Variants in PCDHGB7 observed in about 807,000 individuals in gnomAD.
PCDHGB7 encodes protocadherin gamma subfamily B, 7.
PCDHGB7 carries 37 observed loss-of-function variants against 61.4 expected under a neutral mutation model. The observed-to-expected ratio is 0.60, with a 90% confidence interval of 0.46 to 0.79. The LOEUF is 0.79. Among genes scored for constraint, PCDHGB7 ranks in the 30% least tolerant of loss-of-function variants. The pLI, the probability that PCDHGB7 is intolerant of heterozygous loss-of-function variation, is 0.00. For missense variants in PCDHGB7, 1,166 were observed against 1,202.5 expected (o/e 0.97, Z 0.45); for synonymous variants, 464 against 503.5 (o/e 0.92, Z 1.05).
intron 1 of PCDHGB7, among the ~76,000 whole-genome samples, chr5:141,474,294 G>A (rs535055214): frequency 1.3e-5 from 2 of 152,296 alleles, no homozygotes; most frequent in African/African-American, 4.8e-5. Context: ...CTAGATCAGT[G>A]CTTGTCAAAC....
At chr5:141,455,899 ATTTATTT>A (rs1441561749) in intron 1 of PCDHGB7, among the ~76,000 whole-genome samples, 5 of 148,258 alleles carry the variant, frequency 3.4e-5, no homozygotes, top group African/African-American at 1.2e-4. Context: ...TTATTTATTT[ATTTATTT>A]ATTTATTTTG....
intron 1 of PCDHGB7, chr5:141,426,519 C>T: frequency 8.8e-6 from 3 of 341,848 alleles, no homozygotes; most frequent in South Asian, 6.9e-5. Flanking sequence ...TTACCGTGAA[C>T]ACGGAGAATG....
At position 141,431,159 on chromosome 5, in the gene PCDHGB7, C is replaced by T. The variant is rs1017606383; in HGVS notation, c.2415+10885C>T. Reference sequence around the variant, plus strand: ...CATTAACGACAATGCGCCTTACTTTCGTGAAAGTGAATTAGAAATAAAAAT... The same window carrying T: ...CATTAACGACAATGCGCCTTACTTTTGTGAAAGTGAATTAGAAATAAAAAT... On this transcript the variant is annotated intron_variant, in intron 1 of 3. Transcript: ENST00000398594. The surrounding 1 kb of genome is among the most constrained non-coding windows in gnomAD (Gnocchi z 4.8). 1 of 1,614,158 alleles carries T rather than the reference C, an allele frequency of 6.2e-7. No individual in the cohort carries two copies. The highest frequency in any genetic ancestry group is 1.3e-5 in the African/African-American group (1 of 75,046).
chr5:141,500,184 T>TTTTATTTATTTATTTATTTA (rs58019021), intron 2 of PCDHGB7, among the ~76,000 whole-genome samples: 1 of 135,886 alleles, frequency 7.4e-6, no homozygotes, highest in African/African-American at 2.7e-5. Flanking sequence ...TCATTTTTAT[T>TTTTATTTATTTATTTATTTA]TTTATTTATT....
chr5:141,505,298 T>C, intron 2 of PCDHGB7, 95 bp from the exon 3 acceptor site: 1 of 1,586,334 alleles, frequency 6.3e-7, no homozygotes, highest in Non-Finnish European at 8.6e-7. Flanking sequence ...GGGGTAGGGT[T>C]AGGGTACTAG....
rs548823035 is a variant in PCDHGB7 at position 141,499,447 on chromosome 5, C to T, written c.2474+4582C>T. ...AGAAAAAAAATTAAAAGGAAAACCA[C>T]CCATCATTTTACAATCTAGGGAGAA... On this transcript the variant is annotated intron_variant, in intron 2 of 3. Transcript: ENST00000398594. Among the ~76,000 whole-genome samples the T allele has an allele frequency of 3.8e-4, 58 of 152,250 alleles. 1 individual carries two copies. In the East Asian group the frequency reaches 9.1e-3, roughly 24 times the overall value.
chr5:141,483,442 AATCATCAGGACTTGTTG>A (rs2099581330), intron 1 of PCDHGB7, among the ~76,000 whole-genome samples: 1 of 152,196 alleles, frequency 6.6e-6, no homozygotes, highest in Non-Finnish European at 1.5e-5. Context: ...ACTACAATAA[AATCATCAGGACTTGTTG>A]ATTGACATGA....
At position 141,493,356 on chromosome 5, in the gene PCDHGB7, C is replaced by A. The variant is rs1303319550; in HGVS notation, c.2416-1451C>A. Among the ~76,000 whole-genome samples, 1 of 152,182 alleles carries A rather than the reference C, an allele frequency of 6.6e-6. No individual in the cohort carries two copies. The highest frequency in any genetic ancestry group is 2.4e-5 in the African/African-American group (1 of 41,438). On this transcript the variant is annotated intron_variant, in intron 1 of 3. Transcript: ENST00000398594. This position sits in a 1 kb window ranked among gnomAD's most constrained non-coding sequence, Gnocchi z 4.3. ...ACTCCAGAATGTGTGCTTTTAATTT[C>A]TTGGCACTTGGAACTTTAAAAGCTT...
intron 1 of PCDHGB7, among the ~76,000 whole-genome samples, chr5:141,466,121 CA>C (rs908379481): frequency 4.8e-5 from 7 of 146,852 alleles, no homozygotes; most frequent in Non-Finnish European, 6.0e-5. Context: ...GACTCCAGCT[CA>C]AAAAAAAAAT....
Position 141,486,243 on chromosome 5 carries a change from G to T in PCDHGB7, c.2416-8564G>T. ...TACATCACAGTGACCTCAGAGCTTG[G>T]AACCCTCCCCGAGAGTGCAGAACCT... is the stretch of plus-strand genomic sequence containing the variant. On this transcript the variant is annotated intron_variant, in intron 1 of 3. Coordinates refer to ENST00000398594, the MANE Select transcript of PCDHGB7 (RefSeq NM_018927.4). The surrounding 1 kb of genome is among the most constrained non-coding windows in gnomAD (Gnocchi z 5.0). 1 of 1,614,156 alleles carries T rather than the reference G, an allele frequency of 6.2e-7. No individual in the cohort carries two copies. Among genetic ancestry groups the T allele is most frequent in the Non-Finnish European group, 8.5e-7 (1 of 1,180,018 alleles).
chr5:141,481,351 A>G (rs2099536232), intron 1 of PCDHGB7, among the ~76,000 whole-genome samples: 1 of 152,152 alleles, frequency 6.6e-6, no homozygotes, highest in Non-Finnish European at 1.5e-5. Context: ...TTAAACATCT[A>G]CAGCTGTTCA....
At position 141,477,107 on chromosome 5, in the gene PCDHGB7, C is replaced by A. The variant is rs1431445150; in HGVS notation, c.2416-17700C>A. ...CCAGGCCAAAGACAAGGGCGCCAAT[C>A]CCGAAGGAGCACATTGCAAAGTGTT... On this transcript the variant is annotated intron_variant, in intron 1 of 3. Coordinates refer to ENST00000398594, the MANE Select transcript of PCDHGB7 (RefSeq NM_018927.4). This position sits in a 1 kb window ranked among gnomAD's most constrained non-coding sequence, Gnocchi z 4.9. 1 of 1,614,252 alleles carries A rather than the reference C, an allele frequency of 6.2e-7. No homozygotes were observed. The highest frequency in any genetic ancestry group is 8.5e-7 in the Non-Finnish European group (1 of 1,180,048).
chr5:141,464,068 C>A (rs2099075218), intron 1 of PCDHGB7, among the ~76,000 whole-genome samples: 1 of 152,036 alleles, frequency 6.6e-6, no homozygotes, highest in Admixed American at 6.6e-5. Flanking sequence ...AGTTCAAGGC[C>A]AGCCTGGCCA....
intron 1 of PCDHGB7, among the ~76,000 whole-genome samples, chr5:141,474,096 CAACAAA>C (rs1262341033): frequency 1.3e-5 from 2 of 152,078 alleles, no homozygotes; most frequent in African/African-American, 4.8e-5. Context: ...AAACAAACAA[CAACAAA>C]AACAACAACA....
intron 3 of PCDHGB7, among the ~76,000 whole-genome samples, chr5:141,506,038 G>C (rs2099850248): frequency 6.6e-6 from 1 of 152,174 alleles, no homozygotes; most frequent in South Asian, 2.1e-4. Context: ...GTAGGATTCT[G>C]GTTTTCCCAT....
chr5:141,509,709 T>C (rs1344120168), intron 3 of PCDHGB7, among the ~76,000 whole-genome samples: 1 of 152,200 alleles, frequency 6.6e-6, no homozygotes, highest in African/African-American at 2.4e-5. Context: ...CTGGAGGTGC[T>C]GTCTGATGTC....
At position 141,491,065 on chromosome 5, in the gene PCDHGB7, C is replaced by T; in HGVS notation, c.2416-3742C>T. On this transcript the variant is annotated intron_variant, in intron 1 of 3. Transcript: ENST00000398594. This position sits in a 1 kb window ranked among gnomAD's most constrained non-coding sequence, Gnocchi z 6.9. ...CCACAATGCGTGGCTCTCCTACTCA[C>T]TGTTGCCACAGTCCACAGCCCCAGG... 4 of 1,614,210 alleles carry T rather than the reference C, an allele frequency of 2.5e-6. No individual in the cohort carries two copies. Among genetic ancestry groups the T allele is most frequent in the Admixed American group, 1.7e-5 (1 of 60,030 alleles).
intron 1 of PCDHGB7, chr5:141,478,196 C>T: frequency 6.2e-7 from 1 of 1,614,068 alleles, no homozygotes; most frequent in Middle Eastern, 1.6e-4. Context: ...CACCTTTTAT[C>T]TACTTCTTTC....
chr5:141,461,058 T>C (rs1450016344), intron 1 of PCDHGB7, among the ~76,000 whole-genome samples: 2 of 152,010 alleles, frequency 1.3e-5, no homozygotes, highest in Admixed American at 1.3e-4. Context: ...CTTAGGTTGG[T>C]TTCACATTTT....
Sources: allele counts gnomAD v4.1 joint callset (sites outside exome capture counted in the v4.1 genomes callset), GRCh38; gene constraint gnomAD v4.1.1; non-coding constraint Gnocchi (gnomAD v3.1); transcripts MANE v1.5; gene names NCBI Gene and HGNC (gene_info 2026-07-23, HGNC 2026-07-21).